Variants in TSC1 observed in about 807,000 individuals in gnomAD.
The protein encoded by TSC1 is hamartin.
In TSC1, 20 loss-of-function variants were observed where a neutral mutation model predicts 124.3. The observed-to-expected ratio is 0.16, with a 90% CI of 0.11 to 0.23. The LOEUF is 0.23. TSC1 is among the 10% of genes least tolerant of loss of function. TSC1 has a pLI of 1.00. For missense variants in TSC1, 1,124 were observed against 1,448.5 expected, an observed-to-expected ratio of 0.78 and a Z score of 3.64; for synonymous variants, 493 against 539.1, an observed-to-expected ratio of 0.91 and a Z score of 1.19.
intron 3 of TSC1, 119 bp downstream of exon 3, chr9:132,928,648 G>A: frequency 8.1e-7 from 1 of 1,227,542 alleles, no homozygotes. Flanking sequence ...TACTCTCTTT[G>A]GGTGTTTAAA....
intron 1 of TSC1, among the ~76,000 whole-genome samples, chr9:132,938,526 A>C (rs1316570402): frequency 2.0e-5 from 3 of 152,182 alleles, no homozygotes; most frequent in Non-Finnish European, 4.4e-5. Flanking sequence ...TTTTGAGATG[A>C]AACAGAAGGC....
At position 132,905,971 on chromosome 9, in the gene TSC1, A is replaced by G. The variant is rs776633158; in HGVS notation, c.1607T>C (p.Leu536Ser). The change falls in exon 15 of 23, where the codon TTA (leucine) becomes TCA (serine). Residue 536 changes from leucine to serine, a missense_variant. By Grantham distance (145) the Leu-to-Ser change is moderately radical. Coordinates refer to ENST00000298552, the MANE Select transcript of TSC1 (RefSeq NM_000368.5). ...SQGASVNPEP[L>S]HSSLDKLGPD... ...CCCAAGCTTGTCCAGGGAGGAGTGT[A>G]AAGGCTCAGGGTTCACGCTGGCGCC... 1 of 1,614,056 alleles carries G rather than the reference A, an allele frequency of 6.2e-7. No homozygotes were observed. Among genetic ancestry groups the G allele is most frequent in the Non-Finnish European group, 8.5e-7 (1 of 1,179,998 alleles).
At position 132,893,266 on chromosome 9, in the gene TSC1, A is replaced by G; in HGVS notation, c.*2969T>C. ...CACCTGCCTTAGTAATGCTGGTCCT[A>G]AAACTCATCTCCAAGGACATCTTTC... On this transcript the variant is annotated 3_prime_UTR_variant, in exon 23 of 23. Coordinates refer to ENST00000298552, the MANE Select transcript of TSC1 (RefSeq NM_000368.5). 1 of 233,342 alleles carries G rather than the reference A, an allele frequency of 4.3e-6. No individual in the cohort carries two copies. Among genetic ancestry groups the G allele is most frequent in the Non-Finnish European group, 8.5e-6 (1 of 118,074 alleles). 14.5% of individuals were successfully genotyped at this position (233,342 alleles called of 1,614,324 possible). A position where few individuals can be genotyped will look rare whatever the true frequency, so the allele number is the denominator to read the frequency against.
chr9:132,912,120 T>G (rs1375731533), intron 9 of TSC1, among the ~76,000 whole-genome samples, 162 bp downstream of exon 9: 2 of 152,230 alleles, frequency 1.3e-5, no homozygotes, highest in East Asian at 3.9e-4. Context: ...GAAGGAGAAA[T>G]TAATTAGAAG....
chr9:132,921,885 G>T lies in TSC1; in HGVS notation c.597C>A (p.Phe199Leu), dbSNP rs202242304. 1 of 1,614,152 alleles carries T rather than the reference G, an allele frequency of 6.2e-7. No homozygotes were observed. The highest frequency in any genetic ancestry group is 8.5e-7 in the Non-Finnish European group (1 of 1,180,014). ...HRLYGMYPCN[F>L]VSFLRSHYSM... ...TGTAATGAGAACGCAAAAAGGAGAC[G>T]AAGTTGCAAGGGTACATTCCATAAA... Residue 199 changes from phenylalanine to leucine, a missense_variant, in exon 7 of 23, where the codon TTC becomes TTA. By Grantham distance (22) the Phe-to-Leu change is conservative (BLOSUM62 0). Around this residue, in one of 5 missense-constraint regions of TSC1, gnomAD observed 463 missense variants for 606.8 expected, o/e 0.76. Coordinates refer to ENST00000298552, the MANE Select transcript of TSC1 (RefSeq NM_000368.5). The surrounding 1 kb of genome is among the most constrained non-coding windows in gnomAD (Gnocchi z 4.3).
chr9:132,911,625 TAAAAAAAAA>T (rs11364856), intron 9 of TSC1, 57 bp from the exon 10 acceptor site: 953 of 168,734 alleles, frequency 5.6e-3, no homozygotes, highest in African/African-American at 0.019. Context: ...TTATTCTGGT[TAAAAAAAAA>T]AAAAAAAAAA....
Position 132,906,885 on chromosome 9 carries a change from T to TA in TSC1, c.1334-51_1334-50insT. 6.8e-7 allele frequency: 1 copy of TA among 1,473,926 alleles called. No individual in the cohort carries two copies. Among genetic ancestry groups the TA allele is most frequent in the Non-Finnish European group, 9.5e-7 (1 of 1,054,636 alleles). 91.3% of individuals were successfully genotyped at this position (1,473,926 alleles called of 1,614,324 possible). Reference sequence around the variant, plus strand: ...AGTCAAAGAAATACAGTGTAATCCCTGTAAGTGTAAAACTGCTTACACTGT... The same window carrying TA: ...AGTCAAAGAAATACAGTGTAATCCCTAGTAAGTGTAAAACTGCTTACACTGT... On this transcript the variant is annotated intron_variant, in intron 13 of 22. Transcript: ENST00000298552. This position sits in a 1 kb window ranked among gnomAD's most constrained non-coding sequence, Gnocchi z 4.1.
intron 21 of TSC1, 28 bp downstream of exon 21, chr9:132,897,395 C>T (rs1288450406): frequency 6.2e-7 from 1 of 1,614,110 alleles, no homozygotes; most frequent in Non-Finnish European, 8.5e-7. Context: ...TTAATAAAAA[C>T]ACAAAAGCCT....
Position 132,914,514 on chromosome 9 carries a change from T to C in TSC1, c.738-2057A>G, listed in dbSNP as rs578261839. On this transcript the variant is annotated intron_variant, in intron 8 of 22. Coordinates refer to ENST00000298552, the MANE Select transcript of TSC1 (RefSeq NM_000368.5). ...GGATTTTTGTCAAAACTTAGCAAAATTGATTAATTTTATTGTAAGCAAATT... is the reference window on the plus strand; with the variant it reads ...GGATTTTTGTCAAAACTTAGCAAAACTGATTAATTTTATTGTAAGCAAATT... 7.9e-5 allele frequency among the ~76,000 whole-genome samples: 12 copies of C among 152,168 alleles called. No homozygotes were observed. In the South Asian group the frequency reaches 1.7e-3, roughly 21 times the overall value.
intron 9 of TSC1, 27 bp from the exon 10 acceptor site, chr9:132,911,595 G>A (rs1021165308): frequency 9.2e-6 from 10 of 1,081,292 alleles, no homozygotes; most frequent in Non-Finnish European, 4.2e-6. Flanking sequence ...GAACACAGGG[G>A]GTTAGTGTGT....
At chr9:132,935,167 T>C in intron 1 of TSC1, 72 bp from the exon 2 acceptor site, 1 of 398,310 alleles carries the variant, frequency 2.5e-6, no homozygotes, top group Non-Finnish European at 4.4e-6. Context: ...GGGGTTCATC[T>C]GGCACAAGCT....
At chr9:132,913,085 C>T (rs769821567) in intron 8 of TSC1, among the ~76,000 whole-genome samples, 1 of 151,958 alleles carries the variant, frequency 6.6e-6, no homozygotes, top group Non-Finnish European at 1.5e-5. Context: ...ACTACAGGCA[C>T]GTGCCACCGT....
chr9:132,942,919 A>T (rs1457474542), intron 1 of TSC1, among the ~76,000 whole-genome samples: 1 of 152,240 alleles, frequency 6.6e-6, no homozygotes. Flanking sequence ...TGCCTGATGC[A>T]TGACTGTTAA....
At position 132,897,303 on chromosome 9, in the gene TSC1, T is replaced by C; in HGVS notation, c.2856A>G (p.Lys952=). The part of the protein sequence containing the change: ...QAAESRYEAQ[K]RITQVFELEI... The stretch of plus-strand genomic sequence containing the variant: ...CCAATTCAAACACCTGGGTTATCCT[T>C]TTCTGAGCCTCATACCTGCTCTCTG... The change falls in exon 22 of 23, where the codon AAA becomes AAG. Residue 952 remains lysine, a synonymous_variant. Transcript: ENST00000298552. 1 of 1,614,256 alleles carries C rather than the reference T, an allele frequency of 6.2e-7. No individual in the cohort carries two copies. Among genetic ancestry groups the C allele is most frequent in the South Asian group, 1.1e-5 (1 of 91,092 alleles).
At chr9:132,914,498 T>C (rs1846157924) in intron 8 of TSC1, among the ~76,000 whole-genome samples, 1 of 152,098 alleles carries the variant, frequency 6.6e-6, no homozygotes, top group Non-Finnish European at 1.5e-5. Context: ...GGGATTTTTG[T>C]CAAAACTTAG....
intron 9 of TSC1, 57 bp from the exon 10 acceptor site, chr9:132,911,625 TAAAAAAAAAAAAA>T (rs11364856): frequency 2.8e-4 from 48 of 169,154 alleles, no homozygotes; most frequent in Middle Eastern, 4.2e-3. Context: ...TTATTCTGGT[TAAAAAAAAAAAAA>T]AAAAAAAAAA....
chr9:132,919,391 T>C (rs556165136), intron 8 of TSC1, among the ~76,000 whole-genome samples: 1 of 152,290 alleles, frequency 6.6e-6, no homozygotes, highest in South Asian at 2.1e-4. Flanking sequence ...AATAGATTCA[T>C]ACCAACATAC....
At chr9:132,929,979 CTGTGA>C (rs1295100359) in intron 2 of TSC1, among the ~76,000 whole-genome samples, 1 of 152,156 alleles carries the variant, frequency 6.6e-6, no homozygotes, top group African/African-American at 2.4e-5. Flanking sequence ...CACAGCAAGT[CTGTGA>C]TGTGATGTGA....
At position 132,910,182 on chromosome 9, in the gene TSC1, T is replaced by A. The variant is rs188159735; in HGVS notation, c.1263+389A>T. The A allele has an allele frequency of 1.5e-3, 608 of 416,290 alleles. 3 individuals carry two copies. Among genetic ancestry groups the A allele is most frequent in the Middle Eastern group, 4.6e-3 (7 of 1,518 alleles). The allele number at this position is 416,290 out of a possible 1,614,324, so 25.8% of individuals were successfully genotyped here. On this transcript the variant is annotated intron_variant, in intron 12 of 22. Transcript: ENST00000298552. ...CAGGCATCATGGCACATGCCTGTAG[T>A]CCCAGCTACTAGCGAGGCTGATGCA...
Sources: allele counts gnomAD v4.1 joint callset (sites outside exome capture counted in the v4.1 genomes callset), GRCh38; gene constraint gnomAD v4.1.1; regional missense constraint gnomAD v4.1.1; non-coding constraint Gnocchi (gnomAD v3.1); transcripts MANE v1.5; gene names NCBI Gene and HGNC (gene_info 2026-07-23, HGNC 2026-07-21).